SPON1: variants seen among roughly 807,000 people sequenced by gnomAD.
SPON1 encodes spondin-1.
Under a neutral mutation model 111.7 loss-of-function variants are expected in SPON1, and 52 were observed. The ratio of observed to expected loss-of-function variants is 0.47; its 90% CI spans 0.37 to 0.59. SPON1 has a LOEUF of 0.59. SPON1 is among the 20% of genes least tolerant of loss of function. The pLI, the probability that SPON1 is intolerant of heterozygous loss-of-function variation, is 0.00. For missense variants in SPON1, 957 were observed against 1,068.5 expected (o/e 0.90, Z 1.46); for synonymous variants, 410 against 395.8 (o/e 1.04, Z -0.43).
At chr11:14,082,216 G>A (rs1472310064) in intron 5 of SPON1, among the ~76,000 whole-genome samples, 1 of 152,074 alleles carries the variant, frequency 6.6e-6, no homozygotes, top group East Asian at 1.9e-4. Context: ...GGGTCTTTGG[G>A]CCAAATCAAG....
At chr11:13,998,492 T>G (rs1848290626) in intron 2 of SPON1, among the ~76,000 whole-genome samples, 1 of 152,224 alleles carries the variant, frequency 6.6e-6, no homozygotes, top group East Asian at 1.9e-4. Flanking sequence ...TTCATCCCAT[T>G]TGGAATCTGT....
At chr11:14,168,719 T>C (rs1336200020) in intron 6 of SPON1, among the ~76,000 whole-genome samples, 4 of 151,590 alleles carry the variant, frequency 2.6e-5, no homozygotes, top group Non-Finnish European at 4.4e-5. Context: ...TTCTCATTGT[T>C]CAATTCCCAC....
chr11:14,236,987 C>T (rs911298758), intron 6 of SPON1, among the ~76,000 whole-genome samples: 4 of 152,190 alleles, frequency 2.6e-5, no homozygotes, highest in Non-Finnish European at 5.9e-5. Context: ...CAGTGCAGAC[C>T]ATGGGCAAAC....
intron 2 of SPON1, among the ~76,000 whole-genome samples, chr11:13,994,296 G>C (rs2133788906): frequency 6.6e-6 from 1 of 152,286 alleles, no homozygotes; most frequent in South Asian, 2.1e-4. Context: ...TATAAATAAT[G>C]GAGTAGAAAC....
At chr11:14,233,336 G>C (rs996081327) in intron 6 of SPON1, among the ~76,000 whole-genome samples, 1 of 152,102 alleles carries the variant, frequency 6.6e-6, no homozygotes, top group African/African-American at 2.4e-5. Context: ...GCCAGACACA[G>C]CAATGGCCTC....
At chr11:14,197,950 C>T (rs1848421324) in intron 6 of SPON1, among the ~76,000 whole-genome samples, 2 of 152,216 alleles carry the variant, frequency 1.3e-5, no homozygotes, top group Admixed American at 6.5e-5. Context: ...TTTCTCTCTC[C>T]TTTTCATTGG....
intron 6 of SPON1, among the ~76,000 whole-genome samples, chr11:14,224,233 T>C (rs978743056): frequency 2.0e-5 from 3 of 151,968 alleles, no homozygotes; most frequent in African/African-American, 7.3e-5. Context: ...ATACATGATA[T>C]GTAAGGGGGT....
chr11:14,176,448 A>G (rs1554933090), intron 6 of SPON1, among the ~76,000 whole-genome samples: 1 of 152,138 alleles, frequency 6.6e-6, no homozygotes. Flanking sequence ...ACACCCTGCA[A>G]TGAGGCTACA....
intron 1 of SPON1, among the ~76,000 whole-genome samples, chr11:13,968,200 TA>T (rs1314779715): frequency 3.2e-4 from 49 of 152,232 alleles, no homozygotes; most frequent in African/African-American, 8.7e-4. Flanking sequence ...CATGTTATAT[TA>T]GTCATAGTAC....
At chr11:14,175,073 G>A (rs1848159370) in intron 6 of SPON1, among the ~76,000 whole-genome samples, 1 of 152,066 alleles carries the variant, frequency 6.6e-6, no homozygotes, top group Admixed American at 6.5e-5. Flanking sequence ...AAATGGCAAA[G>A]TTACACAAAT....
At chr11:14,229,504 C>A (rs1848772588) in intron 6 of SPON1, among the ~76,000 whole-genome samples, 1 of 152,102 alleles carries the variant, frequency 6.6e-6, no homozygotes, top group African/African-American at 2.4e-5. Flanking sequence ...GGAGAGCCTG[C>A]CAGTATGATT....
intron 3 of SPON1, among the ~76,000 whole-genome samples, chr11:14,060,557 G>T (rs1554919739): frequency 6.6e-6 from 1 of 152,152 alleles, no homozygotes; most frequent in Non-Finnish European, 1.5e-5. Flanking sequence ...GATAACCAGG[G>T]ATTCTTGGCC....
chr11:14,164,711 C>T (rs996991605), intron 6 of SPON1, among the ~76,000 whole-genome samples: 1 of 152,030 alleles, frequency 6.6e-6, no homozygotes, highest in South Asian at 2.1e-4. Context: ...ATGCAGGAGA[C>T]CGGAGTTTTA....
chr11:13,985,003 A>G (rs1314690478), intron 2 of SPON1, among the ~76,000 whole-genome samples: 1 of 152,202 alleles, frequency 6.6e-6, no homozygotes, highest in Non-Finnish European at 1.5e-5. Context: ...ATGCAGTCTC[A>G]GGACCAGCAG....
chr11:14,004,598 C>T (rs369464492), intron 2 of SPON1, among the ~76,000 whole-genome samples: 14 of 152,236 alleles, frequency 9.2e-5, no homozygotes, highest in African/African-American at 3.1e-4. Flanking sequence ...TGTTGAACAC[C>T]TTTTCATATA....
At chr11:14,243,244 T>TG in intron 6 of SPON1, 88 bp from the exon 7 acceptor site, 1 of 1,244,664 alleles carries the variant, frequency 8.0e-7, no homozygotes, top group African/African-American at 1.5e-5. Context: ...GGTGAGGGAG[T>TG]GGGGGTGAAT....
chr11:14,010,696 C>T (rs1247573142), intron 2 of SPON1, among the ~76,000 whole-genome samples: 1 of 152,184 alleles, frequency 6.6e-6, no homozygotes, highest in African/African-American at 2.4e-5. Flanking sequence ...CATCTTTTTA[C>T]AGCAACCCAA....
chr11:14,131,607 A>ACAG (rs1455680993), intron 5 of SPON1, among the ~76,000 whole-genome samples: 1 of 152,196 alleles, frequency 6.6e-6, no homozygotes, highest in Non-Finnish European at 1.5e-5. Context: ...ACAACTCTTT[A>ACAG]CAGCTTTCAC....
chr11:14,129,844 G>A (rs764887435), intron 5 of SPON1, among the ~76,000 whole-genome samples: 76 of 152,290 alleles, frequency 5.0e-4, no homozygotes, highest in Non-Finnish European at 8.7e-4. Context: ...GAAGGTGAAG[G>A]AGAAGCAGGC....
Sources: allele counts gnomAD v4.1 joint callset (sites outside exome capture counted in the v4.1 genomes callset), GRCh38; gene constraint gnomAD v4.1.1; transcripts MANE v1.5; gene names NCBI Gene and HGNC (gene_info 2026-07-23, HGNC 2026-07-21).